The following NRXN3 variants were observed in gnomAD, a reference collection of about 807,000 sequenced individuals.
NRXN3 encodes the protein neurexin III.
Under a neutral mutation model 137.6 loss-of-function variants are expected in NRXN3, and 32 were observed. That is an observed-to-expected ratio of 0.23 (90% CI 0.18 to 0.31). The LOEUF (loss-of-function observed/expected upper bound fraction) is 0.31. Among genes scored for constraint, NRXN3 ranks in the 10% least tolerant of loss-of-function variants. The probability of loss-of-function intolerance (pLI) is 1.00; values close to 1 mark genes in which losing one functional copy is unlikely to be tolerated. For missense variants in NRXN3, 1,574 were observed against 2,062.5 expected (o/e 0.76, Z 4.59); for synonymous variants, 798 against 784.5 (o/e 1.02, Z -0.29).
chr14:78,461,933 T>C (rs147168477), intron 4 of NRXN3, among the ~76,000 whole-genome samples: 1 of 152,336 alleles, frequency 6.6e-6, no homozygotes, highest in East Asian at 1.9e-4. Context: ...CTTTCTTCCA[T>C]TGAGCAGGCA....
chr14:78,443,879 G>A (rs1348445053), intron 4 of NRXN3, among the ~76,000 whole-genome samples: 1 of 152,182 alleles, frequency 6.6e-6, no homozygotes, highest in African/African-American at 2.4e-5. Flanking sequence ...TAACCACACT[G>A]TCATCAGGGA....
intron 16 of NRXN3, among the ~76,000 whole-genome samples, chr14:79,494,055 G>A (rs1360123886): frequency 1.3e-5 from 2 of 152,146 alleles, no homozygotes; most frequent in African/African-American, 4.8e-5. Flanking sequence ...TGTATAAAAA[G>A]TGTATTTTAA....
chr14:79,764,326 A>G (rs2099049167), intron 19 of NRXN3, among the ~76,000 whole-genome samples: 1 of 152,180 alleles, frequency 6.6e-6, no homozygotes, highest in Non-Finnish European at 1.5e-5. Flanking sequence ...GAATCCACTG[A>G]GAAAAAGATT....
intron 15 of NRXN3, among the ~76,000 whole-genome samples, chr14:79,234,293 AATATATATATAT>A (rs71131687): frequency 0.092 from 5,157 of 56,104 alleles, 267 homozygotes; most frequent in East Asian, 0.18. Flanking sequence ...TTCAATGGTA[AATATATATATAT>A]ATATATATAT....
chr14:79,261,299 G>T (rs1410781651), intron 15 of NRXN3, among the ~76,000 whole-genome samples: 1 of 152,138 alleles, frequency 6.6e-6, no homozygotes, highest in Admixed American at 6.5e-5. Context: ...TGCCAGAAAA[G>T]TGAGCAAAGT....
At chr14:78,384,001 G>C (rs2089564167) in intron 4 of NRXN3, among the ~76,000 whole-genome samples, 1 of 152,192 alleles carries the variant, frequency 6.6e-6, no homozygotes, top group South Asian at 2.1e-4. Flanking sequence ...AAGAGGAGTT[G>C]ATTATCTGTA....
At chr14:79,761,433 C>G (rs1193452270) in intron 19 of NRXN3, among the ~76,000 whole-genome samples, 1 of 151,494 alleles carries the variant, frequency 6.6e-6, no homozygotes, top group Non-Finnish European at 1.5e-5. Flanking sequence ...CTCCTTAGGC[C>G]ATGGCTGTCT....
intron 1 of NRXN3, among the ~76,000 whole-genome samples, chr14:78,174,954 C>T (rs1041266064): frequency 1.3e-5 from 2 of 152,080 alleles, no homozygotes; most frequent in Non-Finnish European, 1.5e-5. Flanking sequence ...GGGCTGAGCT[C>T]GGGAGGGTGG....
At chr14:78,344,555 C>T (rs1427477938) in intron 4 of NRXN3, among the ~76,000 whole-genome samples, 7 of 152,172 alleles carry the variant, frequency 4.6e-5, no homozygotes, top group African/African-American at 1.7e-4. Context: ...CACAGAAAGC[C>T]GGGCTACCAC....
At chr14:78,447,585 C>A (rs1038511736) in intron 4 of NRXN3, among the ~76,000 whole-genome samples, 6 of 152,204 alleles carry the variant, frequency 3.9e-5, no homozygotes, top group African/African-American at 9.7e-5. Flanking sequence ...ATCTCATCAC[C>A]ACTCCAAGCC....
chr14:78,374,769 CAAAAA>C (rs3037807), intron 4 of NRXN3, among the ~76,000 whole-genome samples: 3 of 115,530 alleles, frequency 2.6e-5, no homozygotes, highest in African/African-American at 1.0e-4. Context: ...ACTCCATCTC[CAAAAA>C]AAAAAAAAAA....
At chr14:79,115,460 G>A (rs1440708164) in intron 15 of NRXN3, among the ~76,000 whole-genome samples, 2 of 152,068 alleles carry the variant, frequency 1.3e-5, no homozygotes, top group Non-Finnish European at 2.9e-5. Context: ...TTGTAAAAAT[G>A]GTACAAGATG....
intron 3 of NRXN3, among the ~76,000 whole-genome samples, chr14:78,284,850 G>A (rs2074947015): frequency 6.6e-6 from 1 of 152,134 alleles, no homozygotes; most frequent in South Asian, 2.1e-4. Context: ...GTAAAAAGGG[G>A]CAAAGGAGAC....
intron 15 of NRXN3, among the ~76,000 whole-genome samples, chr14:79,154,784 C>CT (rs1230050968): frequency 6.6e-6 from 1 of 152,032 alleles, no homozygotes; most frequent in African/African-American, 2.4e-5. Flanking sequence ...CATTAAACTA[C>CT]TTGATAGTCT....
At chr14:78,502,526 A>G (rs1033182932) in intron 4 of NRXN3, among the ~76,000 whole-genome samples, 9 of 152,146 alleles carry the variant, frequency 5.9e-5, no homozygotes, top group Non-Finnish European at 8.8e-5. Context: ...CCTACAGCCT[A>G]TGAATATTCT....
rs75010032 is a variant in NRXN3 at position 79,091,719 on chromosome 14, C to T, written c.3262+103578C>T. On this transcript the variant is annotated intron_variant, in intron 15 of 20. Transcript: ENST00000335750. ...GATCATAAAGACCTAGTTAGTACCC[C>T]AGGAGACCCCAAGACAGGGCTTCTG... Among the ~76,000 whole-genome samples, 599 of 152,170 alleles carry T rather than the reference C, an allele frequency of 3.9e-3. 6 individuals are homozygous for T. The highest frequency in any genetic ancestry group is 0.014 in the African/African-American group (564 of 41,516).
intron 14 of NRXN3, among the ~76,000 whole-genome samples, chr14:78,984,344 T>G (rs1208306258): frequency 1.3e-5 from 2 of 152,218 alleles, no homozygotes; most frequent in Non-Finnish European, 2.9e-5. Flanking sequence ...TATAAACAAC[T>G]ATTATCTTTC....
chr14:78,791,548 A>C (rs2098805143), intron 8 of NRXN3, among the ~76,000 whole-genome samples: 1 of 152,204 alleles, frequency 6.6e-6, no homozygotes. Flanking sequence ...ATATGAAAAG[A>C]AACTTAGTAC....
intron 15 of NRXN3, among the ~76,000 whole-genome samples, chr14:79,129,579 A>C (rs906670929): frequency 7.4e-5 from 10 of 135,716 alleles, no homozygotes; most frequent in African/African-American, 2.8e-4. Context: ...ACATTTGCTG[A>C]GGAGAGCTTT....
Sources: gnomAD v4.1 joint callset for allele counts (sites outside exome capture counted in the v4.1 genomes callset) on GRCh38, gnomAD v4.1.1 for gene constraint, MANE v1.5 for transcripts, NCBI Gene and HGNC (gene_info 2026-07-23, HGNC 2026-07-21) for gene names.